The following ROBO1 variants were observed in gnomAD, a reference collection of about 807,000 sequenced individuals.
The protein encoded by ROBO1 is roundabout homolog 1.
Under a neutral mutation model 195.9 loss-of-function variants are expected in ROBO1, and 149 were observed. That is an observed-to-expected ratio of 0.76 (90% CI 0.67 to 0.87). The LOEUF (loss-of-function observed/expected upper bound fraction) is 0.87, where lower values mean the gene tolerates loss of function less well. Ranked by LOEUF, ROBO1 falls within the 40% of genes least tolerant of loss-of-function variation. The pLI is 0.00. For missense variants in ROBO1, 1,933 were observed against 2,068.3 expected, an observed-to-expected ratio of 0.93 and a Z score of 1.27; for synonymous variants, 816 against 733.2, an observed-to-expected ratio of 1.11 and a Z score of -1.82.
chr3:78,709,214 T>C (rs1162508934), intron 8 of ROBO1, among the ~76,000 whole-genome samples: 1 of 152,206 alleles, frequency 6.6e-6, no homozygotes, highest in Non-Finnish European at 1.5e-5. Context: ...CACTTTTCTG[T>C]TGTAATTATC....
intron 1 of ROBO1, among the ~76,000 whole-genome samples, chr3:79,643,977 C>G (rs1945742473): frequency 6.6e-6 from 1 of 152,020 alleles, no homozygotes. Context: ...GTCTACTTCA[C>G]CTACGAAGAC....
At position 78,659,618 on chromosome 3, in the gene ROBO1, G is replaced by A. The variant is rs182522291; in HGVS notation, c.2442+68C>T. ...AATATCCATAAACAAATACCAGCCT[G>A]CTTTTTCTTTATGAATGGTGGGGGC... On this transcript the variant is annotated intron_variant, in intron 17 of 30. Coordinates refer to ENST00000464233, the MANE Select transcript of ROBO1 (RefSeq NM_002941.4). 236 of 1,211,836 alleles carry A rather than the reference G, an allele frequency of 1.9e-4. No individual in the cohort carries two copies. In the African/African-American group the frequency reaches 3.3e-3, roughly 17 times the overall value. The allele number at this position is 1,211,836 out of a possible 1,614,324, so 75.1% of individuals were successfully genotyped here. A position where few individuals can be genotyped will look rare whatever the true frequency, so the allele number is the denominator to read the frequency against.
At chr3:78,961,530 T>C (rs1159149536) in intron 3 of ROBO1, among the ~76,000 whole-genome samples, 1 of 152,200 alleles carries the variant, frequency 6.6e-6, no homozygotes. Flanking sequence ...ACGTTCCAAT[T>C]TGATTAGGTG....
At position 78,924,121 on chromosome 3, in the gene ROBO1, G is replaced by A. The variant is rs373017820; in HGVS notation, c.499+14480C>T. 1.4e-4 allele frequency among the ~76,000 whole-genome samples: 21 copies of A among 152,064 alleles called. No homozygotes were observed. The East Asian group carries it at 1.7e-3, about 13-fold the overall frequency. On this transcript the variant is annotated intron_variant, in intron 4 of 30. Coordinates refer to ENST00000464233, the MANE Select transcript of ROBO1 (RefSeq NM_002941.4). ...CACACATTATAAAACATGATGTATA[G>A]CTATGAGAAATGGTGCTTTTGAATA...
At chr3:79,135,791 C>A (rs190621901) in intron 2 of ROBO1, among the ~76,000 whole-genome samples, 2 of 152,032 alleles carry the variant, frequency 1.3e-5, no homozygotes, top group East Asian at 3.9e-4. Context: ...GCATGTGGCA[C>A]CACGCCCGGC....
At position 78,614,808 on chromosome 3, in the gene ROBO1, GAAAA is replaced by G; in HGVS notation, c.4283-12_4283-9del. On this transcript the variant is annotated splice_polypyrimidine_tract_variant and intron_variant, in intron 27 of 30. Transcript: ENST00000464233. ...CATGAAAATGTCGACGGCCTAAGGAGAAAAAAAAAAAAAATCCAAGCCAAACTCA... is the reference window on the plus strand; with the variant it reads ...CATGAAAATGTCGACGGCCTAAGGAGAAAAAAAAAATCCAAGCCAAACTCA... 3.5e-6 allele frequency: 4 copies of G among 1,157,620 alleles called. No homozygotes were observed. The South Asian group carries it at 5.6e-5, about 16-fold the overall frequency. The allele number at this position is 1,157,620 out of a possible 1,614,324, so 71.7% of individuals were successfully genotyped here.
intron 5 of ROBO1, among the ~76,000 whole-genome samples, chr3:78,720,912 G>A (rs1391938657): frequency 6.6e-6 from 1 of 151,166 alleles, no homozygotes. Flanking sequence ...CTTGGACACA[G>A]GAAGCGGAAC....
chr3:79,703,009 ATAAGT>A (rs1466656429), intron 1 of ROBO1, among the ~76,000 whole-genome samples: 1 of 151,938 alleles, frequency 6.6e-6, no homozygotes, highest in Admixed American at 6.6e-5. Flanking sequence ...TCCCTTGGAT[ATAAGT>A]TAAGAAGCAT....
At chr3:78,685,641 T>C in intron 10 of ROBO1, 105 bp downstream of exon 10, 1 of 676,304 alleles carries the variant, frequency 1.5e-6, no homozygotes, top group Non-Finnish European at 2.3e-6. Context: ...TACACTAAAA[T>C]AGCCATAAAA....
At chr3:79,204,570 G>A (rs2081831412) in intron 2 of ROBO1, among the ~76,000 whole-genome samples, 2 of 152,118 alleles carry the variant, frequency 1.3e-5, no homozygotes, top group South Asian at 4.1e-4. Context: ...TTTGTAGTGG[G>A]TTGTGGGAAT....
In ROBO1 at chr3:79,513,710, GAA is replaced by G. The variant is rs35839194; in HGVS notation, c.88+76112_88+76113del. Among the ~76,000 whole-genome samples, 420 of 150,968 alleles carry G rather than the reference GAA, an allele frequency of 2.8e-3. 3 individuals are homozygous for G. The highest frequency in any genetic ancestry group is 9.5e-3 in the African/African-American group (394 of 41,318). On this transcript the variant is annotated intron_variant, in intron 2 of 30. Transcript: ENST00000464233. ...ATAAAAATAACCTGAATTTGCCATG[GAA>G]AAAAAAAAATCCCATTCTTTGTGCA...
intron 2 of ROBO1, among the ~76,000 whole-genome samples, chr3:79,406,393 T>A (rs2037549928): frequency 6.6e-6 from 1 of 151,144 alleles, no homozygotes; most frequent in Non-Finnish European, 1.5e-5. Flanking sequence ...GTGGCGCCAC[T>A]GCACCCCAGA....
chr3:78,771,012 A>G (rs2083360133), intron 4 of ROBO1, among the ~76,000 whole-genome samples: 2 of 152,044 alleles, frequency 1.3e-5, no homozygotes, highest in Admixed American at 1.3e-4. Context: ...GGCTTTAGTG[A>G]GCTATGATCA....
chr3:79,578,916 C>A (rs191172967), intron 2 of ROBO1, among the ~76,000 whole-genome samples: 295 of 152,248 alleles, frequency 1.9e-3, no homozygotes, highest in Non-Finnish European at 3.4e-3. Context: ...AAATAATAAT[C>A]TATTAAGAAC....
At chr3:79,688,167 A>G (rs1947187165) in intron 1 of ROBO1, among the ~76,000 whole-genome samples, 1 of 144,096 alleles carries the variant, frequency 6.9e-6, no homozygotes, top group Non-Finnish European at 1.5e-5. Context: ...GGAATTGAAC[A>G]ATGAAAACAC....
chr3:78,971,551 C>T (rs2076766548), intron 3 of ROBO1, among the ~76,000 whole-genome samples: 1 of 151,986 alleles, frequency 6.6e-6, no homozygotes, highest in African/African-American at 2.4e-5. Flanking sequence ...AATGGGTTAC[C>T]CTCAAAAGAA....
intron 10 of ROBO1, among the ~76,000 whole-genome samples, chr3:78,674,849 A>C (rs1708298605): frequency 6.6e-6 from 1 of 152,126 alleles, no homozygotes; most frequent in Non-Finnish European, 1.5e-5. Context: ...ACCTATATAT[A>C]AGTTGCTTTA....
intron 2 of ROBO1, among the ~76,000 whole-genome samples, chr3:79,242,749 G>A (rs2082543712): frequency 6.6e-6 from 1 of 152,128 alleles, no homozygotes; most frequent in South Asian, 2.1e-4. Context: ...AGTCTGCTCT[G>A]TCCAGTGTTC....
At chr3:78,753,500 G>T (rs2082848716) in intron 4 of ROBO1, among the ~76,000 whole-genome samples, 1 of 152,150 alleles carries the variant, frequency 6.6e-6, no homozygotes, top group Non-Finnish European at 1.5e-5. Context: ...AGAGAAAAGT[G>T]TACATCAGTA....
Sources: gnomAD v4.1 joint callset for allele counts (sites outside exome capture counted in the v4.1 genomes callset) on GRCh38, gnomAD v4.1.1 for gene constraint, MANE v1.5 for transcripts, NCBI Gene and HGNC (gene_info 2026-07-23, HGNC 2026-07-21) for gene names.